The following MYO9A variants were observed in gnomAD, a reference collection of about 807,000 sequenced individuals.
MYO9A encodes the protein myosin IXA.
MYO9A carries 103 observed loss-of-function variants against 293.3 expected under a neutral mutation model. The ratio of observed to expected loss-of-function variants is 0.35; its 90% confidence interval spans 0.30 to 0.41. MYO9A has a LOEUF of 0.41. MYO9A is among the 10% of genes least tolerant of loss of function. The pLI is 1.00. For missense variants in MYO9A, 2,685 were observed against 3,033.0 expected (o/e 0.89, Z 2.69); for synonymous variants, 1,001 against 1,035.7 (o/e 0.97, Z 0.64).
In MYO9A at chr15:71,826,553, G is replaced by A. The variant is rs2140417589; in HGVS notation, c.*27C>T. On this transcript the variant is annotated 3_prime_UTR_variant, in exon 42 of 42. Transcript: ENST00000356056. ...GGTGAGATTTGTTTACCACTCTGTA[G>A]CCACGGAGGGACACACATCTGCCGG... The A allele has an allele frequency of 6.5e-6, 10 of 1,544,752 alleles. No homozygotes were observed. The highest frequency in any genetic ancestry group is 8.7e-6 in the Non-Finnish European group (10 of 1,150,310).
chr15:71,963,747 T>C (rs546606638), intron 13 of MYO9A, among the ~76,000 whole-genome samples: 2 of 152,334 alleles, frequency 1.3e-5, no homozygotes, highest in Admixed American at 6.5e-5. Context: ...GTTATGACTT[T>C]AAATTAACAC....
At chr15:71,851,143 T>C (rs535132644) in intron 37 of MYO9A, 110 bp downstream of exon 37, 27 of 831,664 alleles carry the variant, frequency 3.2e-5, no homozygotes, top group Non-Finnish European at 5.0e-5. Context: ...ACTTTATAAA[T>C]AGAAGAAAAA....
chr15:71,860,986 A>AAAAAAAAAAAAAAAAAAAAAAAAAAAC (rs2056097058), intron 33 of MYO9A, among the ~76,000 whole-genome samples: 1 of 150,882 alleles, frequency 6.6e-6, no homozygotes, highest in Non-Finnish European at 1.5e-5. Flanking sequence ...AAAAAAAAAA[A>AAAAAAAAAAAAAAAAAAAAAAAAAAAC]AAAAAAAATC....
Position 72,007,930 on chromosome 15 carries a change from T to G in MYO9A, c.1276A>C (p.Ile426Leu). ...TAACAGATATTACCCAAATGTAGTA[T>G]GGCTGAGAGAAGAGAGAAAATCCTG... ...RRQIFSLLSA[I>L]LHLGNICYKK... Residue 426 changes from isoleucine to leucine, a missense_variant, in exon 8 of 42, where the codon ATA (isoleucine) becomes CTA (leucine). Ile to Leu is a conservative substitution (Grantham distance 5). This residue lies in a region of MYO9A where 289 missense variants were observed against 456.8 expected (regional missense o/e 0.63). Transcript: ENST00000356056. 1 of 1,612,348 alleles carries G rather than the reference T, an allele frequency of 6.2e-7. No homozygotes were observed. Among genetic ancestry groups the G allele is most frequent in the Non-Finnish European group, 8.5e-7 (1 of 1,179,412 alleles).
intron 32 of MYO9A, among the ~76,000 whole-genome samples, chr15:71,872,764 G>A (rs1444147736): frequency 1.3e-5 from 2 of 152,140 alleles, no homozygotes; most frequent in African/African-American, 4.8e-5. Flanking sequence ...TATTTTATAT[G>A]TGTGTATATG....
At chr15:71,842,440 T>C (rs2055199777) in intron 39 of MYO9A, among the ~76,000 whole-genome samples, 1 of 152,088 alleles carries the variant, frequency 6.6e-6, no homozygotes, top group South Asian at 2.1e-4. Flanking sequence ...AACCAATTTA[T>C]AGATGAGAAC....
chr15:71,986,220 A>G (rs781329485), intron 11 of MYO9A, among the ~76,000 whole-genome samples: 1 of 152,200 alleles, frequency 6.6e-6, no homozygotes, highest in Non-Finnish European at 1.5e-5. Context: ...AGATGATCTA[A>G]AGTATACTGG....
intron 1 of MYO9A, among the ~76,000 whole-genome samples, chr15:72,070,336 C>A (rs978025489): frequency 2.0e-5 from 3 of 151,582 alleles, no homozygotes; most frequent in Non-Finnish European, 4.4e-5. Context: ...CGCCTGCAGT[C>A]CCAGCTACTC....
intron 1 of MYO9A, among the ~76,000 whole-genome samples, chr15:72,098,416 A>G (rs2080136684): frequency 6.6e-6 from 1 of 152,152 alleles, no homozygotes; most frequent in South Asian, 2.1e-4. Context: ...GCAACAATAG[A>G]TAACTAACAT....
At chr15:71,894,291 T>C (rs2057260967) in intron 25 of MYO9A, among the ~76,000 whole-genome samples, 2 of 152,160 alleles carry the variant, frequency 1.3e-5, no homozygotes, top group South Asian at 4.1e-4. Flanking sequence ...AAACTTGACG[T>C]TGAGGCTGGG....
chr15:71,872,762 ATG>A (rs1567217091), intron 32 of MYO9A, among the ~76,000 whole-genome samples: 1 of 152,170 alleles, frequency 6.6e-6, no homozygotes, highest in African/African-American at 2.4e-5. Context: ...GATATTTTAT[ATG>A]TGTGTATATG....
At chr15:71,972,179 A>C (rs1226274525) in intron 12 of MYO9A, 1 of 152,318 alleles carries the variant, frequency 6.6e-6, no homozygotes, top group East Asian at 1.9e-4. Flanking sequence ...TGAAGCCTCC[A>C]TAAAAACCCA....
intron 13 of MYO9A, among the ~76,000 whole-genome samples, chr15:71,965,573 C>T (rs1434904598): frequency 2.0e-5 from 3 of 152,094 alleles, no homozygotes; most frequent in African/African-American, 7.2e-5. Context: ...TAGTGAAACC[C>T]CATCTCTAGT....
intron 8 of MYO9A, 25 bp downstream of exon 8, chr15:72,007,801 G>C: frequency 6.3e-7 from 1 of 1,595,432 alleles, no homozygotes; most frequent in East Asian, 2.2e-5. Context: ...GATTTGAAAT[G>C]ACAACTGAAA....
rs2054382041 is a variant in MYO9A, at chr15:71,824,328, AC to A, written c.*2251del. The A allele has an allele frequency of 6.6e-6, 1 of 152,176 alleles. No homozygotes were observed. The highest frequency in any genetic ancestry group is 2.4e-5 in the African/African-American group (1 of 41,434). The allele number at this position is 152,176 out of a possible 1,614,324, so 9.4% of individuals were successfully genotyped here. A position where few individuals can be genotyped will look rare whatever the true frequency, so the allele number is the denominator to read the frequency against. On this transcript the variant is annotated 3_prime_UTR_variant, in exon 42 of 42. Coordinates refer to ENST00000356056, the MANE Select transcript of MYO9A (RefSeq NM_006901.4). ...TCAGTCGTTTTTTAACTGCCAAAAA[AC>A]TTATTTTGCCAAAAAAGCCCCACAA... is the stretch of plus-strand genomic sequence containing the variant.
intron 37 of MYO9A, 144 bp from the exon 38 acceptor site, chr15:71,850,311 T>G (rs2055579978): frequency 1.1e-6 from 1 of 929,542 alleles, no homozygotes; most frequent in Non-Finnish European, 1.6e-6. Flanking sequence ...AGTTTAAGGG[T>G]CTGCAGACTT....
chr15:72,009,700 A>G (rs1452609939), intron 7 of MYO9A, among the ~76,000 whole-genome samples: 2 of 152,048 alleles, frequency 1.3e-5, no homozygotes, highest in African/African-American at 2.4e-5. Context: ...GCTGTCTCCA[A>G]AAAAAACAAA....
chr15:72,117,974 C>T lies in MYO9A; in HGVS notation c.-366G>A, dbSNP rs1003959533. ...AACCGCTGCCAGCGGCCGCCTCTGC[C>T]GGTGCAACTACTGCCTCCGCCGCCG... On this transcript the variant is annotated 5_prime_UTR_variant, in exon 1 of 42. Coordinates refer to ENST00000356056, the MANE Select transcript of MYO9A (RefSeq NM_006901.4). The T allele has an allele frequency of 1.0e-5, 4 of 400,700 alleles. No homozygotes were observed. Among genetic ancestry groups the T allele is most frequent in the Non-Finnish European group, 1.8e-5 (4 of 227,978 alleles). The allele number at this position is 400,700 out of a possible 1,614,324, so 24.8% of individuals were successfully genotyped here.
At chr15:72,013,399 C>G (rs1381211819) in intron 6 of MYO9A, among the ~76,000 whole-genome samples, 2 of 152,174 alleles carry the variant, frequency 1.3e-5, no homozygotes, top group Non-Finnish European at 2.9e-5. Context: ...CTGGAAAAAG[C>G]CTTCAGGCCC....
Sources: gnomAD v4.1 joint callset for allele counts (sites outside exome capture counted in the v4.1 genomes callset) on GRCh38, gnomAD v4.1.1 for gene constraint, gnomAD v4.1.1 regional missense constraint, MANE v1.5 for transcripts, NCBI Gene and HGNC (gene_info 2026-07-23, HGNC 2026-07-21) for gene names.